The following SLC25A25 variants were observed in gnomAD, a reference collection of about 807,000 sequenced individuals.
The protein encoded by SLC25A25 is solute carrier family 25 member 25.
A neutral mutation model predicts 57.7 loss-of-function variants in SLC25A25; 32 were observed. That is an observed-to-expected ratio of 0.55 (90% CI 0.42 to 0.74). SLC25A25 has a LOEUF of 0.74. Ranked by LOEUF, SLC25A25 falls within the 30% of genes least tolerant of loss-of-function variation. The pLI is 0.00. For missense variants in SLC25A25, 556 were observed against 701.3 expected, an observed-to-expected ratio of 0.79 and a Z score of 2.34; for synonymous variants, 306 against 291.2, an observed-to-expected ratio of 1.05 and a Z score of -0.52.
chr9:128,105,773 C>T lies in SLC25A25; in HGVS notation c.828C>T (p.Phe276=), dbSNP rs749392034. 6 of 1,613,900 alleles carry T rather than the reference C, an allele frequency of 3.7e-6. No homozygotes were observed. In the South Asian group the frequency reaches 5.5e-5, roughly 15 times the overall value. The change falls in exon 7 of 11, where the codon TTC becomes TTT. Residue 276 remains phenylalanine (F), a synonymous_variant. Transcript: ENST00000373069. Reference sequence around the variant, plus strand: ...ACAACATGGGCATCGTTGGTGGCTTCACTCAGATGATTCGAGAAGGAGGGG... The same window carrying T: ...ACAACATGGGCATCGTTGGTGGCTTTACTCAGATGATTCGAGAAGGAGGGG... The part of the protein sequence containing the change: ...RSNNMGIVGG[F]TQMIREGGAR...
intron 1 of SLC25A25, among the ~76,000 whole-genome samples, chr9:128,096,650 G>A (rs572797108): frequency 1.2e-4 from 18 of 152,220 alleles, no homozygotes; most frequent in Non-Finnish European, 2.2e-4. Context: ...AGCCCCCTGA[G>A]CTAATTCACT....
chr9:128,099,846 C>G lies in SLC25A25; in HGVS notation c.262-1250C>G, dbSNP rs1833714607. Among the ~76,000 whole-genome samples, 1 of 152,156 alleles carries G rather than the reference C, an allele frequency of 6.6e-6. No individual in the cohort carries two copies. Among genetic ancestry groups the G allele is most frequent in the Non-Finnish European group, 1.5e-5 (1 of 68,032 alleles). On this transcript the variant is annotated intron_variant, in intron 1 of 10. Coordinates refer to ENST00000373069, the MANE Select transcript of SLC25A25 (RefSeq NM_001330988.2). The surrounding 1 kb of genome is among the most constrained non-coding windows in gnomAD (Gnocchi z 6.8). ...AGCTAGCCAGTGGGCCATCCATTTC[C>G]AAACCCCAGCTGGCTGTCAGTTGAT...
At chr9:128,091,981 G>C (rs1279580228) in intron 1 of SLC25A25, 2 of 1,613,886 alleles carry the variant, frequency 1.2e-6, no homozygotes, top group African/African-American at 2.7e-5. Flanking sequence ...CCCCTGCCTG[G>C]AGAGACCAGA....
At position 128,102,262 on chromosome 9, in the gene SLC25A25, G is replaced by A. The variant is rs1039572634; in HGVS notation, c.513-108G>A. The stretch of plus-strand genomic sequence containing the variant: ...TCTCCTGGGGGCAGAGGCACCTCGT[G>A]TGGTTTCTGGGCATCCGAATGCCTG... On this transcript the variant is annotated intron_variant, in intron 4 of 10. Coordinates refer to ENST00000373069, the MANE Select transcript of SLC25A25 (RefSeq NM_001330988.2). The surrounding 1 kb of genome is among the most constrained non-coding windows in gnomAD (Gnocchi z 4.1). The A allele has an allele frequency of 3.6e-6, 5 of 1,407,642 alleles. No homozygotes were observed. In the African/African-American group the frequency reaches 5.7e-5, roughly 16 times the overall value. The allele number at this position is 1,407,642 out of a possible 1,614,324, so 87.2% of individuals were successfully genotyped here. A position where few individuals can be genotyped will look rare whatever the true frequency, so the allele number is the denominator to read the frequency against.
intron 1 of SLC25A25, among the ~76,000 whole-genome samples, chr9:128,080,262 C>CT (rs1833123132): frequency 6.8e-6 from 1 of 146,710 alleles, no homozygotes; most frequent in East Asian, 2.0e-4. Flanking sequence ...AAAAAAAAAC[C>CT]CACAAAAAAC....
intron 1 of SLC25A25, among the ~76,000 whole-genome samples, chr9:128,080,752 C>A (rs1833139704): frequency 6.6e-6 from 1 of 152,110 alleles, no homozygotes; most frequent in South Asian, 2.1e-4. Context: ...TCCCACTTGC[C>A]CAAAACCCTG....
intron 1 of SLC25A25, among the ~76,000 whole-genome samples, chr9:128,081,869 C>T (rs544638823): frequency 2.0e-5 from 3 of 152,148 alleles, no homozygotes; most frequent in East Asian, 3.9e-4. Flanking sequence ...TGCAGTGAGC[C>T]ATGATCATAC....
At chr9:128,083,188 A>T (rs1412614605) in intron 1 of SLC25A25, among the ~76,000 whole-genome samples, 1 of 150,712 alleles carries the variant, frequency 6.6e-6, no homozygotes. Context: ...AGATAGTACC[A>T]TTGCACTCCA....
chr9:128,092,740 G>C (rs143813443), intron 1 of SLC25A25, among the ~76,000 whole-genome samples: 7 of 152,314 alleles, frequency 4.6e-5, no homozygotes, highest in African/African-American at 1.7e-4. Context: ...AAGGTAAGTG[G>C]TAGTATCCCC....
At chr9:128,098,471 G>A in intron 1 of SLC25A25, 1 of 1,507,512 alleles carries the variant, frequency 6.6e-7, no homozygotes, top group Non-Finnish European at 8.9e-7. Context: ...GACAGCTGAG[G>A]CCAGGCTTGT....
chr9:128,099,118 G>T lies in SLC25A25; in HGVS notation c.262-1978G>T, dbSNP rs907924227. 2.4e-5 allele frequency: 24 copies of T among 985,306 alleles called. No individual in the cohort carries two copies. The highest frequency in any genetic ancestry group is 2.9e-5 in the Non-Finnish European group (24 of 829,924). The allele number at this position is 985,306 out of a possible 1,614,324, so 61.0% of individuals were successfully genotyped here. On this transcript the variant is annotated intron_variant, in intron 1 of 10. Transcript: ENST00000373069. This position sits in a 1 kb window ranked among gnomAD's most constrained non-coding sequence, Gnocchi z 6.8. ...TGCGTGGTGGAGCTGCCCGTCCCTG[G>T]TGTGGGGGTGAGGGAGCCTCCCGCC...
chr9:128,079,506 C>G (rs575099235), intron 1 of SLC25A25, among the ~76,000 whole-genome samples: 1 of 150,842 alleles, frequency 6.6e-6, no homozygotes, highest in African/African-American at 2.4e-5. Flanking sequence ...CGCCTGTAAT[C>G]CCAGCACTTT....
chr9:128,085,017 G>A (rs955746568), intron 1 of SLC25A25, among the ~76,000 whole-genome samples: 5 of 152,100 alleles, frequency 3.3e-5, no homozygotes, highest in African/African-American at 1.2e-4. Flanking sequence ...AATCAAAGAC[G>A]CAAGAAAAAT....
At chr9:128,084,457 C>T (rs1833231982) in intron 1 of SLC25A25, among the ~76,000 whole-genome samples, 1 of 152,102 alleles carries the variant, frequency 6.6e-6, no homozygotes, top group Non-Finnish European at 1.5e-5. Context: ...GCCACCGCGC[C>T]TGGCCTGACA....
intron 1 of SLC25A25, among the ~76,000 whole-genome samples, chr9:128,070,961 AAAAAAAAAAAAAG>A: frequency 7.0e-6 from 1 of 143,030 alleles, no homozygotes; most frequent in African/African-American, 2.4e-5. Flanking sequence ...AAAAAAAAAA[AAAAAAAAAAAAAG>A]AAAGAAAGAA....
chr9:128,095,025 G>C lies in SLC25A25; in HGVS notation c.262-6071G>C, dbSNP rs1360888359. Among the ~76,000 whole-genome samples the C allele has an allele frequency of 6.6e-6, 1 of 152,216 alleles. No individual in the cohort carries two copies. Among genetic ancestry groups the C allele is most frequent in the African/African-American group, 2.4e-5 (1 of 41,450 alleles). On this transcript the variant is annotated intron_variant, in intron 1 of 10. Transcript: ENST00000373069. This position sits in a 1 kb window ranked among gnomAD's most constrained non-coding sequence, Gnocchi z 4.4. ...CAATGCGCGTTGTGCCCAGATCTTG[G>C]AGTGTCAAGAAGGCCGGTGTGAAGC...
At chr9:128,083,760 C>T (rs1239535559) in intron 1 of SLC25A25, among the ~76,000 whole-genome samples, 2 of 151,442 alleles carry the variant, frequency 1.3e-5, no homozygotes, top group East Asian at 1.9e-4. Flanking sequence ...CCTTATGATC[C>T]GCCCGCCTCG....
chr9:128,091,648 C>G (rs924733724), intron 1 of SLC25A25: 5 of 1,207,980 alleles, frequency 4.1e-6, no homozygotes, highest in Admixed American at 4.4e-5. Flanking sequence ...TTATTGCCGG[C>G]AGCCTGGCAA....
chr9:128,069,672 A>T (rs1048851537), intron 1 of SLC25A25, among the ~76,000 whole-genome samples: 2 of 152,204 alleles, frequency 1.3e-5, no homozygotes, highest in Non-Finnish European at 2.9e-5. Flanking sequence ...AGCGCTAACT[A>T]TTAGGATCAG....
Sources: allele counts gnomAD v4.1 joint callset (sites outside exome capture counted in the v4.1 genomes callset), GRCh38; gene constraint gnomAD v4.1.1; non-coding constraint Gnocchi (gnomAD v3.1); transcripts MANE v1.5; gene names NCBI Gene and HGNC (gene_info 2026-07-23, HGNC 2026-07-21).